MTPN: variants seen among roughly 807,000 people sequenced by gnomAD.
MTPN encodes myotrophin.
Under a neutral mutation model 13.5 loss-of-function variants are expected in MTPN, and 2 were observed. The ratio of observed to expected loss-of-function variants is 0.15; its 90% CI spans 0.06 to 0.47. The LOEUF is 0.47. MTPN is among the 20% of genes least tolerant of loss of function. The pLI, the probability that MTPN is intolerant of heterozygous loss-of-function variation, is 0.97. For synonymous variants in MTPN, 46 were observed against 51.7 expected (o/e 0.89, Z 0.48); for missense variants, 79 against 137.9 (o/e 0.57, Z 2.14).
intron 3 of MTPN, among the ~76,000 whole-genome samples, chr7:135,945,943 T>C (rs1799281950): frequency 6.6e-6 from 1 of 152,194 alleles, no homozygotes; most frequent in Non-Finnish European, 1.5e-5. Flanking sequence ...AAGTTTAATT[T>C]ATAAATTAGG....
intron 1 of MTPN, among the ~76,000 whole-genome samples, chr7:135,967,126 A>T (rs1799618374): frequency 6.6e-6 from 1 of 152,144 alleles, no homozygotes; most frequent in African/African-American, 2.4e-5. Context: ...CAGTTCAAAA[A>T]TTAAAGACAT....
intron 1 of MTPN, among the ~76,000 whole-genome samples, chr7:135,975,295 T>C (rs1186017486): frequency 6.6e-6 from 1 of 152,238 alleles, no homozygotes; most frequent in African/African-American, 2.4e-5. Context: ...GGGAATGTCC[T>C]ACTAGAAATC....
At chr7:135,953,004 A>T (rs1399061168) in intron 1 of MTPN, among the ~76,000 whole-genome samples, 1 of 152,144 alleles carries the variant, frequency 6.6e-6, no homozygotes, top group Non-Finnish European at 1.5e-5. Flanking sequence ...CACTTAGCAT[A>T]GTTTGGTCAA....
At chr7:135,959,698 C>G (rs550389998) in intron 1 of MTPN, among the ~76,000 whole-genome samples, 2 of 152,132 alleles carry the variant, frequency 1.3e-5, no homozygotes, top group East Asian at 1.9e-4. Flanking sequence ...GGAAATATCC[C>G]TAGAGTTTAA....
chr7:135,950,787 A>G, intron 2 of MTPN, 105 bp from the exon 3 acceptor site: 1 of 858,294 alleles, frequency 1.2e-6, no homozygotes, highest in Non-Finnish European at 1.9e-6. Flanking sequence ...GCCTTTCTAG[A>G]AAATCAATCA....
intron 1 of MTPN, among the ~76,000 whole-genome samples, chr7:135,958,422 T>G (rs1799475961): frequency 6.6e-6 from 1 of 152,158 alleles, no homozygotes; most frequent in Non-Finnish European, 1.5e-5. Flanking sequence ...TAAAACCTTA[T>G]TAGGGTCTTT....
intron 3 of MTPN, among the ~76,000 whole-genome samples, chr7:135,942,470 C>T (rs1157778295): frequency 1.3e-5 from 2 of 152,280 alleles, no homozygotes; most frequent in East Asian, 3.9e-4. Context: ...CAGACACAGG[C>T]TCTAGAGCAA....
intron 3 of MTPN, among the ~76,000 whole-genome samples, chr7:135,937,950 A>AT (rs1196379032): frequency 6.6e-6 from 1 of 152,210 alleles, no homozygotes; most frequent in Non-Finnish European, 1.5e-5. Flanking sequence ...CATACAAAAA[A>AT]TATGTGTTGA....
chr7:135,946,915 C>G (rs893679437), intron 3 of MTPN, among the ~76,000 whole-genome samples: 86 of 152,150 alleles, frequency 5.7e-4, no homozygotes, highest in African/African-American at 2.1e-3. Flanking sequence ...TTCACACTCT[C>G]ACTCCTCTGC....
intron 1 of MTPN, among the ~76,000 whole-genome samples, chr7:135,958,225 A>C (rs1245393510): frequency 3.9e-5 from 6 of 152,134 alleles, no homozygotes; most frequent in Admixed American, 3.9e-4. Context: ...TACTTTAATA[A>C]AAACTTCATT....
At chr7:135,935,406 A>T (rs1218424871) in intron 3 of MTPN, among the ~76,000 whole-genome samples, 1 of 151,744 alleles carries the variant, frequency 6.6e-6, no homozygotes, top group Non-Finnish European at 1.5e-5. Context: ...GCCTGACTAA[A>T]TTTTTTTGTA....
intron 3 of MTPN, among the ~76,000 whole-genome samples, chr7:135,950,100 G>C (rs918795376): frequency 6.6e-6 from 1 of 152,096 alleles, no homozygotes; most frequent in East Asian, 1.9e-4. Context: ...AAAAAAGGTA[G>C]GAAAACTCCA....
intron 3 of MTPN, 141 bp downstream of exon 3, chr7:135,950,458 G>A (rs1799349421): frequency 4.4e-6 from 3 of 676,268 alleles, no homozygotes; most frequent in Admixed American, 2.8e-5. Context: ...CAGCTATTTT[G>A]AGTAACACTA....
At chr7:135,949,189 G>C (rs1230986551) in intron 3 of MTPN, among the ~76,000 whole-genome samples, 20 of 152,218 alleles carry the variant, frequency 1.3e-4, no homozygotes, top group Non-Finnish European at 2.5e-4. Flanking sequence ...TTGCAAGACA[G>C]AGTCCTAACT....
intron 1 of MTPN, among the ~76,000 whole-genome samples, chr7:135,953,168 T>C (rs1459498777): frequency 6.6e-6 from 1 of 152,162 alleles, no homozygotes; most frequent in African/African-American, 2.4e-5. Context: ...CCCATTAATT[T>C]AAATACTATA....
rs1798975211 is a variant in MTPN at position 135,929,201 on chromosome 7, G to GGA, written c.*723_*724dup. The GGA allele has an allele frequency of 6.0e-6, 1 of 166,968 alleles. No homozygotes were observed. The highest frequency in any genetic ancestry group is 1.5e-5 in the Non-Finnish European group (1 of 68,094). The allele number at this position is 166,968 out of a possible 1,614,324, so 10.3% of individuals were successfully genotyped here. A position where few individuals can be genotyped will look rare whatever the true frequency, so the allele number is the denominator to read the frequency against. On this transcript the variant is annotated 3_prime_UTR_variant, in exon 4 of 4. Transcript: ENST00000393085. Reference sequence around the variant, plus strand: ...TAGAGGAGAAAAAAATATGCATACTGGAATGGTTTCTCCTTTAGACTTCCA... The same window carrying GGA: ...TAGAGGAGAAAAAAATATGCATACTGGAGAATGGTTTCTCCTTTAGACTTCCA...
At chr7:135,956,580 A>G (rs1316633692) in intron 1 of MTPN, among the ~76,000 whole-genome samples, 1 of 152,060 alleles carries the variant, frequency 6.6e-6, no homozygotes, top group Non-Finnish European at 1.5e-5. Flanking sequence ...ATCCTTCTTT[A>G]TACAGAGGAC....
At chr7:135,937,747 TCCTCCTCTG>T (rs1433355972) in intron 3 of MTPN, among the ~76,000 whole-genome samples, 3 of 152,014 alleles carry the variant, frequency 2.0e-5, no homozygotes. Flanking sequence ...TTCCACCTCT[TCCTCCTCTG>T]AGACAGCAAG....
intron 1 of MTPN, among the ~76,000 whole-genome samples, chr7:135,957,340 A>G (rs756163540): frequency 5.3e-5 from 8 of 152,048 alleles, no homozygotes; most frequent in Non-Finnish European, 1.0e-4. Flanking sequence ...TCTAAGAGTA[A>G]GATGAGGATT....
Sources: gnomAD v4.1 joint callset for allele counts (sites outside exome capture counted in the v4.1 genomes callset) on GRCh38, gnomAD v4.1.1 for gene constraint, MANE v1.5 for transcripts, NCBI Gene and HGNC (gene_info 2026-07-23, HGNC 2026-07-21) for gene names.